Variants in SCP2 observed in about 807,000 individuals in gnomAD.
SCP2 encodes the protein sterol carrier protein 2, also known as SCP-2/3-oxoacyl-CoA thiolase.
SCP2 carries 48 observed loss-of-function variants against 71.4 expected under a neutral mutation model. The observed-to-expected ratio is 0.67, with a 90% CI of 0.53 to 0.86. The LOEUF (loss-of-function observed/expected upper bound fraction) is 0.86, where lower values mean the gene tolerates loss of function less well. Among genes scored for constraint, SCP2 ranks in the 40% least tolerant of loss-of-function variants. The probability of loss-of-function intolerance (pLI) is 0.00; values close to 1 mark genes in which losing one functional copy is unlikely to be tolerated. For missense variants in SCP2, 560 were observed against 655.6 expected, an observed-to-expected ratio of 0.85 and a Z score of 1.59; for synonymous variants, 220 against 218.1, an observed-to-expected ratio of 1.01 and a Z score of -0.08.
At chr1:52,962,841 A>G (rs536169005) in intron 6 of SCP2, among the ~76,000 whole-genome samples, 1 of 152,102 alleles carries the variant, frequency 6.6e-6, no homozygotes, top group Admixed American at 6.5e-5. Flanking sequence ...TATGGCACCT[A>G]TAATAATCTG....
intron 12 of SCP2, among the ~76,000 whole-genome samples, chr1:53,024,566 T>C (rs966882897): frequency 2.0e-5 from 3 of 146,420 alleles, no homozygotes; most frequent in African/African-American, 5.3e-5. Context: ...TTTCTTTCTT[T>C]CTTTTTTTTT....
chr1:53,014,792 G>A (rs1661215092), intron 11 of SCP2, 98 bp from the exon 12 acceptor site: 1 of 1,387,370 alleles, frequency 7.2e-7, no homozygotes, highest in Non-Finnish European at 1.0e-6. Flanking sequence ...ACGTGGCCTC[G>A]GCTTAATCAA....
chr1:52,970,808 G>C (rs1657401937), intron 6 of SCP2, among the ~76,000 whole-genome samples: 1 of 150,464 alleles, frequency 6.6e-6, no homozygotes, highest in South Asian at 2.1e-4. Context: ...CTGGGATTTG[G>C]TCTTATATAT....
intron 11 of SCP2, among the ~76,000 whole-genome samples, chr1:53,007,295 A>T (rs1015629776): frequency 6.6e-6 from 1 of 152,088 alleles, no homozygotes; most frequent in Admixed American, 6.6e-5. Flanking sequence ...CATCTACAGA[A>T]CTCTCCACCC....
intron 1 of SCP2, among the ~76,000 whole-genome samples, chr1:52,933,557 C>G (rs1653367262): frequency 6.6e-6 from 1 of 152,140 alleles, no homozygotes; most frequent in Non-Finnish European, 1.5e-5. Context: ...TGAAAATTGA[C>G]AAAGGGAAAC....
intron 14 of SCP2, among the ~76,000 whole-genome samples, chr1:53,047,183 G>A (rs1422295494): frequency 6.6e-6 from 1 of 152,214 alleles, no homozygotes; most frequent in Non-Finnish European, 1.5e-5. Context: ...TCCCTGCCAC[G>A]TGGCCCTCTC....
chr1:52,989,857 G>A (rs1057495139), intron 11 of SCP2, among the ~76,000 whole-genome samples: 2 of 152,166 alleles, frequency 1.3e-5, no homozygotes, highest in African/African-American at 4.8e-5. Context: ...GAATCTAGAA[G>A]CCTAATGGCG....
intron 6 of SCP2, among the ~76,000 whole-genome samples, chr1:52,973,197 G>A (rs1181877781): frequency 1.3e-5 from 2 of 152,194 alleles, no homozygotes; most frequent in African/African-American, 4.8e-5. Context: ...TCACATGAGT[G>A]TAATATTGGG....
rs758073714 is a variant in SCP2 at position 53,026,941 on chromosome 1, CT to C, written c.1236-1011del. 5.9e-3 allele frequency among the ~76,000 whole-genome samples: 791 copies of C among 133,972 alleles called. 4 individuals carry two copies. The highest frequency in any genetic ancestry group is 0.046 in the South Asian group (192 of 4,218). The allele number at this position is 133,972 out of a possible 152,430, so 87.9% of individuals were successfully genotyped here. On this transcript the variant is annotated intron_variant, in intron 12 of 15. Coordinates refer to ENST00000371514, the MANE Select transcript of SCP2 (RefSeq NM_002979.5). The stretch of plus-strand genomic sequence containing the variant: ...AGATGCTTATTGAACAACTGCTGCA[CT>C]TTTTTTTTTTTTTTTTGACAGGTTC...
intron 4 of SCP2, among the ~76,000 whole-genome samples, chr1:52,953,491 G>A (rs759921110): frequency 2.6e-5 from 4 of 151,778 alleles, no homozygotes; most frequent in Non-Finnish European, 5.9e-5. Flanking sequence ...GATCATAGGC[G>A]TGCGCCACCA....
intron 10 of SCP2, 37 bp from the exon 11 acceptor site, chr1:52,987,992 C>T (rs1158281363): frequency 4.0e-6 from 4 of 1,009,312 alleles, no homozygotes; most frequent in African/African-American, 3.2e-5. Context: ...TCTATTGTTA[C>T]TATTAATATT....
At chr1:52,994,681 A>T in intron 11 of SCP2, 1 of 599,430 alleles carries the variant, frequency 1.7e-6, no homozygotes. Context: ...TTCTTGCCCC[A>T]TGCATACCTT....
rs113025587 is a variant in SCP2 at position 53,004,515 on chromosome 1, T to C, written c.1082-10375T>C. Among the ~76,000 whole-genome samples the C allele has an allele frequency of 6.3e-3, 952 of 152,286 alleles. 16 individuals carry two copies. Among genetic ancestry groups the C allele is most frequent in the African/African-American group, 0.022 (915 of 41,558 alleles). ...TGCCTTAACTGATGACATGCCACCATTGTGATCTGTTCCTGCCCCACTCTA... is the reference window on the plus strand; with the variant it reads ...TGCCTTAACTGATGACATGCCACCACTGTGATCTGTTCCTGCCCCACTCTA... On this transcript the variant is annotated intron_variant, in intron 11 of 15. Transcript: ENST00000371514.
intron 11 of SCP2, among the ~76,000 whole-genome samples, chr1:52,996,667 A>C (rs1659956786): frequency 6.6e-6 from 1 of 152,102 alleles, no homozygotes; most frequent in African/African-American, 2.4e-5. Context: ...TCATATATTG[A>C]ATTCCTCCCT....
chr1:52,951,576 A>T lies in SCP2; in HGVS notation c.331+690A>T, dbSNP rs568275418. 9.1e-3 allele frequency among the ~76,000 whole-genome samples: 1,371 copies of T among 150,924 alleles called. 17 individuals are homozygous for T. Among genetic ancestry groups the T allele is most frequent in the African/African-American group, 0.032 (1,309 of 40,722 alleles). ...TCTCTAAAAAAAAAAAAAAAAAAAAAAAATTAATTAAGGTAAAATAAAATT... is the reference window on the plus strand; with the variant it reads ...TCTCTAAAAAAAAAAAAAAAAAAAATAAATTAATTAAGGTAAAATAAAATT... On this transcript the variant is annotated intron_variant, in intron 4 of 15. Coordinates refer to ENST00000371514, the MANE Select transcript of SCP2 (RefSeq NM_002979.5).
At chr1:53,048,697 T>C (rs1451475424) in intron 15 of SCP2, 1 of 153,520 alleles carries the variant, frequency 6.5e-6, no homozygotes, top group Non-Finnish European at 1.4e-5. Context: ...ACTGTTGGAC[T>C]AAATTGCATT....
intron 13 of SCP2, among the ~76,000 whole-genome samples, chr1:53,031,746 G>A (rs1203395882): frequency 6.6e-6 from 1 of 152,096 alleles, no homozygotes; most frequent in Non-Finnish European, 1.5e-5. Context: ...ATGTTTTATT[G>A]TCGAAGGGAT....
chr1:52,954,101 A>G (rs1001995512), intron 4 of SCP2, among the ~76,000 whole-genome samples: 3 of 152,038 alleles, frequency 2.0e-5, no homozygotes, highest in Non-Finnish European at 4.4e-5. Flanking sequence ...GCTTGAGCCC[A>G]GGAGTTCAAG....
chr1:53,025,412 C>G (rs529153333), intron 12 of SCP2, among the ~76,000 whole-genome samples: 1 of 152,290 alleles, frequency 6.6e-6, no homozygotes, highest in South Asian at 2.1e-4. Flanking sequence ...CTCTAGCTGG[C>G]CCTCTCCACT....
Sources: allele counts gnomAD v4.1 joint callset (sites outside exome capture counted in the v4.1 genomes callset), GRCh38; gene constraint gnomAD v4.1.1; transcripts MANE v1.5; gene names NCBI Gene and HGNC (gene_info 2026-07-23, HGNC 2026-07-21).